CALD1: variants seen among roughly 807,000 people sequenced by gnomAD.
CALD1 encodes caldesmon 1.
Under a neutral mutation model 99.9 loss-of-function variants are expected in CALD1, and 33 were observed. The observed-to-expected ratio is 0.33, with a 90% CI of 0.25 to 0.44. The LOEUF is 0.44. Among genes scored for constraint, CALD1 ranks in the 20% least tolerant of loss-of-function variants. CALD1 has a pLI of 1.00. For missense variants in CALD1, 861 were observed against 962.1 expected (o/e 0.89, Z 1.39); for synonymous variants, 310 against 325.0 (o/e 0.95, Z 0.50).
At chr7:134,928,493 C>A (rs1377055850) in intron 3 of CALD1, among the ~76,000 whole-genome samples, 2 of 147,094 alleles carry the variant, frequency 1.4e-5, no homozygotes, top group African/African-American at 5.0e-5. Flanking sequence ...TGCTTTTGTG[C>A]AGAATGTTTT....
intron 1 of CALD1, among the ~76,000 whole-genome samples, chr7:134,746,121 G>T (rs952184922): frequency 1.3e-5 from 2 of 152,148 alleles, no homozygotes; most frequent in Non-Finnish European, 2.9e-5. Flanking sequence ...CCCATGCTCT[G>T]GTCTGAATGT....
chr7:134,927,794 G>C (rs1805149287), intron 3 of CALD1, among the ~76,000 whole-genome samples: 1 of 150,654 alleles, frequency 6.6e-6, no homozygotes, highest in Admixed American at 6.6e-5. Context: ...CCAATTGTCA[G>C]TAACACCTTC....
In CALD1 at chr7:134,891,454, G is replaced by T. The variant is rs1300301315; in HGVS notation, c.71+23650G>T. The T allele has an allele frequency of 1.8e-5, 24 of 1,339,378 alleles. No individual in the cohort carries two copies. In the East Asian group the frequency reaches 6.5e-4, roughly 36 times the overall value. The allele number at this position is 1,339,378 out of a possible 1,614,324, so 83.0% of individuals were successfully genotyped here. ...GGACAAGCCCAGACTTTCGTCACAG[G>T]GACAGACCAACGTGTTAACACAAAG... On this transcript the variant is annotated intron_variant, in intron 3 of 14. Coordinates refer to ENST00000361675, the MANE Select transcript of CALD1 (RefSeq NM_033138.4).
Position 134,932,331 on chromosome 7 carries a change from A to G in CALD1, c.219-657A>G, listed in dbSNP as rs1805584896. Among the ~76,000 whole-genome samples the G allele has an allele frequency of 2.0e-5, 3 of 152,170 alleles. No individual in the cohort carries two copies. The South Asian group carries it at 6.2e-4, about 32-fold the overall frequency. ...CTGTAATGTACATTTTCTTCCTCTC[A>G]AAGTACCTTGGGAGCCTCCAATCCA... On this transcript the variant is annotated intron_variant, in intron 4 of 14. Coordinates refer to ENST00000361675, the MANE Select transcript of CALD1 (RefSeq NM_033138.4).
Position 134,959,957 on chromosome 7 carries a change from T to G in CALD1, c.2062-17T>G, listed in dbSNP as rs150419272. On this transcript the variant is annotated splice_polypyrimidine_tract_variant and intron_variant, in intron 11 of 14. Transcript: ENST00000361675. ...AACTTCCCAGCACCAATCCTAAAAA[T>G]AACTCACAAATTTCAGGGAACAAAA... The G allele has an allele frequency of 2.8e-4, 457 of 1,612,188 alleles. 1 individual carries two copies. The African/African-American group carries it at 4.5e-3, about 16-fold the overall frequency.
chr7:134,847,170 T>C (rs1256086748), intron 2 of CALD1, among the ~76,000 whole-genome samples: 1 of 152,198 alleles, frequency 6.6e-6, no homozygotes, highest in Admixed American at 6.5e-5. Context: ...ATAACCACTG[T>C]GGGCCAGTAT....
upstream of CALD1, among the ~76,000 whole-genome samples, chr7:134,742,595 G>T (rs1191606828): frequency 6.6e-6 from 1 of 152,228 alleles, no homozygotes; most frequent in African/African-American, 2.4e-5. Context: ...GGGCTGGAAG[G>T]TGAAGAAACT....
intron 1 of CALD1, among the ~76,000 whole-genome samples, chr7:134,809,015 G>A (rs1418126557): frequency 6.6e-6 from 1 of 152,180 alleles, no homozygotes; most frequent in Non-Finnish European, 1.5e-5. Context: ...TAAGAAAATA[G>A]TACAACCAGG....
chr7:134,928,872 G>A lies in CALD1; in HGVS notation c.190G>A (p.Asp64Asn), dbSNP rs1586335988. The A allele has an allele frequency of 1.9e-6, 3 of 1,613,620 alleles. No individual in the cohort carries two copies. The highest frequency in any genetic ancestry group is 2.2e-5 in the East Asian group (1 of 44,830). ...QEEESLGQVT[D>N]QVEVNAQNSV... ...GGAAGAATCCTTGGGACAGGTGACC[G>A]ACCAGGTGGAGGTGAATGCCCAGAA... Residue 64 changes from aspartate to asparagine, a missense_variant, in exon 4 of 15, where the codon GAC becomes AAC. This residue lies in a region of CALD1 where 123 missense variants were observed against 169.8 expected (regional missense o/e 0.72). Transcript: ENST00000361675.
At chr7:134,899,899 G>A (rs914347479) in intron 3 of CALD1, 4 of 152,032 alleles carry the variant, frequency 2.6e-5, no homozygotes, top group African/African-American at 7.3e-5. Context: ...CTCCTGCCTC[G>A]GGATCCCAAA....
intron 3 of CALD1, among the ~76,000 whole-genome samples, chr7:134,910,190 A>T (rs144058269): frequency 1.3e-5 from 2 of 152,364 alleles, no homozygotes; most frequent in Non-Finnish European, 2.9e-5. Context: ...CCCCGTAGAG[A>T]TCCATCTCAA....
At chr7:134,756,517 GT>G (rs1197929389) in intron 1 of CALD1, among the ~76,000 whole-genome samples, 1 of 151,810 alleles carries the variant, frequency 6.6e-6, no homozygotes, top group Non-Finnish European at 1.5e-5. Flanking sequence ...TCTATATTAA[GT>G]TTAATTCATA....
chr7:134,798,711 A>G (rs923239972), intron 1 of CALD1, among the ~76,000 whole-genome samples: 6 of 152,256 alleles, frequency 3.9e-5, no homozygotes, highest in South Asian at 2.1e-4. Flanking sequence ...AATCACCCCA[A>G]TGACCGTATT....
In CALD1 at chr7:134,770,759, A is replaced by G. The variant is rs563413088; in HGVS notation, c.-130+26396A>G. ...CAGGGGGCACTGCTCAACCCACTGC[A>G]TGGGGGAATGCTGTTATCATAGCAA... is the stretch of plus-strand genomic sequence containing the variant. On this transcript the variant is annotated intron_variant, in intron 1 of 13. Transcript: ENST00000417172. 2.2e-4 allele frequency among the ~76,000 whole-genome samples: 33 copies of G among 152,286 alleles called. No individual in the cohort carries two copies. In the South Asian group the frequency reaches 5.8e-3, roughly 27 times the overall value.
At chr7:134,925,211 G>C (rs1384644939) in intron 3 of CALD1, among the ~76,000 whole-genome samples, 1 of 152,108 alleles carries the variant, frequency 6.6e-6, no homozygotes, top group East Asian at 1.9e-4. Flanking sequence ...CGGTTGTTCA[G>C]GTTGCTCCAC....
At chr7:134,963,315 ACT>A (rs1808418289) in intron 13 of CALD1, among the ~76,000 whole-genome samples, 1 of 152,178 alleles carries the variant, frequency 6.6e-6, no homozygotes, top group African/African-American at 2.4e-5. Context: ...AATAGGTGTA[ACT>A]CTCTAATAGA....
intron 1 of CALD1, among the ~76,000 whole-genome samples, chr7:134,795,300 C>T (rs1002505935): frequency 2.0e-5 from 3 of 152,082 alleles, no homozygotes; most frequent in Non-Finnish European, 4.4e-5. Context: ...CCATGCTGTC[C>T]TCATGGTAGT....
chr7:134,815,256 C>T (rs1798516422), intron 1 of CALD1, among the ~76,000 whole-genome samples: 1 of 152,176 alleles, frequency 6.6e-6, no homozygotes, highest in Non-Finnish European at 1.5e-5. Context: ...TGCATATTGT[C>T]TGAGAAGCAA....
chr7:134,878,480 A>G (rs1051263088), intron 3 of CALD1, among the ~76,000 whole-genome samples: 4 of 152,108 alleles, frequency 2.6e-5, no homozygotes, highest in African/African-American at 9.7e-5. Context: ...GAGGCAGGAG[A>G]ATCACTTGAA....
Sources: gnomAD v4.1 joint callset for allele counts (sites outside exome capture counted in the v4.1 genomes callset) on GRCh38, gnomAD v4.1.1 for gene constraint, gnomAD v4.1.1 regional missense constraint, MANE v1.5 for transcripts, NCBI Gene and HGNC (gene_info 2026-07-23, HGNC 2026-07-21) for gene names.